The following CELF2 variants were observed in gnomAD, a reference collection of about 807,000 sequenced individuals.
CELF2 encodes CUG triplet repeat RNA-binding protein 2.
Under a neutral mutation model 62.6 loss-of-function variants are expected in CELF2, and 8 were observed. The ratio of observed to expected loss-of-function variants is 0.13; its 90% CI spans 0.07 to 0.23. The LOEUF is 0.23. Ranked by LOEUF, CELF2 falls within the 10% of genes least tolerant of loss-of-function variation. The pLI, the probability that CELF2 is intolerant of heterozygous loss-of-function variation, is 1.00. For synonymous variants in CELF2, 258 were observed against 250.0 expected, an observed-to-expected ratio of 1.03 and a Z score of -0.30; for missense variants, 333 against 671.0, an observed-to-expected ratio of 0.50 and a Z score of 5.56.
chr10:10,836,471 C>T (rs1333392859), intron 1 of CELF2, among the ~76,000 whole-genome samples: 1 of 152,160 alleles, frequency 6.6e-6, no homozygotes, highest in Admixed American at 6.5e-5. Flanking sequence ...ACAACAACAA[C>T]CAACGCATTG....
chr10:11,062,606 G>A (rs2067057711), intron 1 of CELF2, among the ~76,000 whole-genome samples: 1 of 152,120 alleles, frequency 6.6e-6, no homozygotes, highest in African/African-American at 2.4e-5. Context: ...CGTGGAGATG[G>A]GACTGAATTG....
chr10:10,588,809 C>T, the CELF2 span, among the ~76,000 whole-genome samples: 1 of 152,206 alleles, frequency 6.6e-6, no homozygotes. Flanking sequence ...GCACTCCATT[C>T]GGAAACAGAC....
Position 11,102,012 on chromosome 10 carries a change from T to C in CELF2, c.75-63474T>C, listed in dbSNP as rs529626175. ...TTTAAGGGTGTTTTTTTCTTTCATA[T>C]AGAAGCATCATGGGCCTTTACTGAA... On this transcript the variant is annotated intron_variant, in intron 1 of 12. Coordinates refer to ENST00000633077, the MANE Select transcript of CELF2 (RefSeq NM_001326342.2). The C allele has an allele frequency of 5.9e-5, 9 of 152,358 alleles. No homozygotes were observed. The South Asian group carries it at 1.7e-3, about 28-fold the overall frequency. The allele number at this position is 152,358 out of a possible 1,614,324, so 9.4% of individuals were successfully genotyped here.
intron 1 of CELF2, among the ~76,000 whole-genome samples, chr10:11,042,298 A>C (rs1021668997): frequency 1.3e-5 from 2 of 152,234 alleles, no homozygotes; most frequent in East Asian, 3.8e-4. Flanking sequence ...GGGCAGTCAA[A>C]GGTTAGAGTT....
At chr10:10,979,823 AATGAAAT>A (rs1809075409) in intron 2 of CELF2, among the ~76,000 whole-genome samples, 1 of 152,210 alleles carries the variant, frequency 6.6e-6, no homozygotes, top group Admixed American at 6.5e-5. Flanking sequence ...GATGGCAGGG[AATGAAAT>A]GCTGATAACA....
chr10:10,830,780 C>G (rs1156801553), intron 1 of CELF2, among the ~76,000 whole-genome samples: 1 of 152,020 alleles, frequency 6.6e-6, no homozygotes, highest in Non-Finnish European at 1.5e-5. Context: ...AGAAGAAGCA[C>G]ACAACTGCAT....
At chr10:10,726,786 T>G in the CELF2 span, among the ~76,000 whole-genome samples, 1 of 152,220 alleles carries the variant, frequency 6.6e-6, no homozygotes, top group Non-Finnish European at 1.5e-5. Context: ...GATTACCGCA[T>G]AGTATAGTAA....
the CELF2 span, among the ~76,000 whole-genome samples, chr10:10,714,583 G>A: frequency 6.6e-6 from 1 of 152,174 alleles, no homozygotes; most frequent in Admixed American, 6.5e-5. Context: ...CCTGCAGGCT[G>A]ACACAATAAA....
rs1417904660 is a variant in CELF2 at position 11,227,270 on chromosome 10, AG to A, written c.354+9764del. Among the ~76,000 whole-genome samples the A allele has an allele frequency of 5.9e-5, 9 of 152,324 alleles. No homozygotes were observed. The South Asian group carries it at 1.5e-3, about 25-fold the overall frequency. ...GAGGAAGTGATGGTCCAAGCAGTCA[AG>A]TCTGCATAACCATCTAAGCTTCTGA... On this transcript the variant is annotated intron_variant, in intron 3 of 12. Transcript: ENST00000633077. This position sits in a 1 kb window ranked among gnomAD's most constrained non-coding sequence, Gnocchi z 4.8.
At chr10:10,915,665 G>A (rs547989194) in intron 1 of CELF2, among the ~76,000 whole-genome samples, 69 of 152,264 alleles carry the variant, frequency 4.5e-4, no homozygotes, top group Admixed American at 8.5e-4. Context: ...GAACTCCTGG[G>A]CTCAAGCGAT....
At chr10:10,717,969 A>G in the CELF2 span, among the ~76,000 whole-genome samples, 1 of 152,188 alleles carries the variant, frequency 6.6e-6, no homozygotes, top group Non-Finnish European at 1.5e-5. Flanking sequence ...GTGAGCTTAT[A>G]CAGTCAAATT....
chr10:11,087,813 C>G (rs1215161581), intron 1 of CELF2, among the ~76,000 whole-genome samples: 1 of 152,230 alleles, frequency 6.6e-6, no homozygotes, highest in African/African-American at 2.4e-5. Context: ...TCACCTCAGA[C>G]TTCTCTTTTT....
the CELF2 span, among the ~76,000 whole-genome samples, chr10:10,518,081 A>G: frequency 4.7e-4 from 72 of 152,288 alleles, no homozygotes; most frequent in African/African-American, 1.6e-3. Context: ...CAGGCTTAGC[A>G]TTTCCTGCAT....
chr10:10,467,960 A>T, the CELF2 span, among the ~76,000 whole-genome samples: 5 of 152,106 alleles, frequency 3.3e-5, no homozygotes, highest in Non-Finnish European at 7.4e-5. Flanking sequence ...ATCTCTAAAG[A>T]ACTGTGAATC....
intron 1 of CELF2, among the ~76,000 whole-genome samples, chr10:11,020,438 G>T (rs77144961): frequency 0.056 from 8,560 of 152,200 alleles, 289 homozygotes; most frequent in Middle Eastern, 0.13. Context: ...GTGTGGGGGG[G>T]AATATGACAA....
chr10:10,923,094 C>T (rs2065073804), intron 2 of CELF2: 1 of 152,120 alleles, frequency 6.6e-6, no homozygotes, highest in Admixed American at 6.5e-5. Flanking sequence ...CAAATTAGCC[C>T]CGAAATACCT....
chr10:11,019,879 C>G (rs989599115), intron 1 of CELF2, among the ~76,000 whole-genome samples: 1 of 152,130 alleles, frequency 6.6e-6, no homozygotes. Flanking sequence ...GTTTTCTCCT[C>G]TAGAGGCTAG....
intron 1 of CELF2, among the ~76,000 whole-genome samples, chr10:10,801,232 T>G (rs2054632032): frequency 1.3e-5 from 2 of 152,230 alleles, no homozygotes; most frequent in Non-Finnish European, 2.9e-5. Flanking sequence ...CTACACCAAG[T>G]TCATTCTGTC....
the CELF2 span, among the ~76,000 whole-genome samples, chr10:10,620,825 G>A: frequency 1.8e-3 from 273 of 149,722 alleles, no homozygotes; most frequent in Non-Finnish European, 3.1e-3. Flanking sequence ...GGCTGAGGCA[G>A]GAGAATGGCG....
Sources: gnomAD v4.1 joint callset for allele counts (sites outside exome capture counted in the v4.1 genomes callset) on GRCh38, gnomAD v4.1.1 for gene constraint, Gnocchi (gnomAD v3.1) non-coding constraint, MANE v1.5 for transcripts, NCBI Gene and HGNC (gene_info 2026-07-23, HGNC 2026-07-21) for gene names.